Variants in CALCOCO1 observed in about 807,000 individuals in gnomAD.
CALCOCO1 encodes calcium-binding and coiled-coil domain-containing protein 1.
Under a neutral mutation model 86.3 loss-of-function variants are expected in CALCOCO1, and 44 were observed. That is an observed-to-expected ratio of 0.51 (90% CI 0.40 to 0.66). The LOEUF (loss-of-function observed/expected upper bound fraction) is 0.66. Among genes scored for constraint, CALCOCO1 ranks in the 30% least tolerant of loss-of-function variants. CALCOCO1 has a pLI of 0.00. For synonymous variants in CALCOCO1, 297 were observed against 327.6 expected, an observed-to-expected ratio of 0.91 and a Z score of 1.01; for missense variants, 708 against 851.1, an observed-to-expected ratio of 0.83 and a Z score of 2.09.
chr12:53,714,120 G>A lies in CALCOCO1; in HGVS notation c.1591+13C>T. ...GTGGGGAAGAGGTGTTACAAGATTG[G>A]GGCTACACGGACTCAGCCCCACAGC... On this transcript the variant is annotated intron_variant, in intron 12 of 14. Coordinates refer to ENST00000550804, the MANE Select transcript of CALCOCO1 (RefSeq NM_020898.3). The A allele has an allele frequency of 6.3e-7, 1 of 1,593,042 alleles. No homozygotes were observed. Among genetic ancestry groups the A allele is most frequent in the African/African-American group, 1.3e-5 (1 of 74,616 alleles).
At chr12:53,722,418 C>T (rs935815358) in intron 4 of CALCOCO1, among the ~76,000 whole-genome samples, 5 of 152,188 alleles carry the variant, frequency 3.3e-5, no homozygotes, top group Admixed American at 1.3e-4. Flanking sequence ...CACTCTAGGC[C>T]TGGCCCTTTC....
At chr12:53,721,411 G>A in intron 6 of CALCOCO1, 56 bp downstream of exon 6, 2 of 1,488,624 alleles carry the variant, frequency 1.3e-6, no homozygotes, top group Non-Finnish European at 9.0e-7. Context: ...GAGGGGGCTG[G>A]AGTGCGGGGG....
chr12:53,719,874 A>G, intron 6 of CALCOCO1, 45 bp from the exon 7 acceptor site: 1 of 1,343,486 alleles, frequency 7.4e-7, no homozygotes, highest in Non-Finnish European at 1.1e-6. Context: ...CTCCACCCAG[A>G]GAAGGAATGG....
chr12:53,719,710 A>T, intron 7 of CALCOCO1, 29 bp downstream of exon 7: 5 of 1,520,036 alleles, frequency 3.3e-6, no homozygotes, highest in Non-Finnish European at 4.6e-6. Context: ...TGGACAATGG[A>T]GAAAGCAAAT....
At chr12:53,712,830 C>G (rs763319997) in intron 14 of CALCOCO1, 3 of 1,428,760 alleles carry the variant, frequency 2.1e-6, no homozygotes, top group South Asian at 2.3e-5. Context: ...GCAATTTGGG[C>G]TCTGCAGAAG....
At chr12:53,716,845 T>C (rs1049138778) in intron 7 of CALCOCO1, among the ~76,000 whole-genome samples, 3 of 152,202 alleles carry the variant, frequency 2.0e-5, no homozygotes, top group Non-Finnish European at 4.4e-5. Flanking sequence ...CTTGGTGCCA[T>C]GCTTGGCTCT....
At chr12:53,719,624 T>C (rs1223425305) in intron 7 of CALCOCO1, 115 bp downstream of exon 7, 7 of 718,874 alleles carry the variant, frequency 9.7e-6, no homozygotes, top group Admixed American at 4.3e-5. Context: ...TGTTCCCTAG[T>C]AGAGTGCACA....
chr12:53,724,207 T>C (rs1371904395), intron 3 of CALCOCO1: 1 of 435,352 alleles, frequency 2.3e-6, no homozygotes, highest in Non-Finnish European at 4.4e-6. Context: ...GCAGCTTTCA[T>C]TTTAAATCCT....
Position 53,723,722 on chromosome 12 carries a change from G to A in CALCOCO1, c.321C>T (p.Gly107=), listed in dbSNP as rs1945941483. 4 of 1,614,196 alleles carry A rather than the reference G, an allele frequency of 2.5e-6. No homozygotes were observed. Among genetic ancestry groups the A allele is most frequent in the Non-Finnish European group, 3.4e-6 (4 of 1,180,036 alleles). Residue 107 remains glycine (G), a synonymous_variant, in exon 4 of 15, where the codon GGC becomes GGT. Coordinates refer to ENST00000550804, the MANE Select transcript of CALCOCO1 (RefSeq NM_020898.3). ...LYQFRYVNRQ[G]QVCGQSPPFQ... The stretch of plus-strand genomic sequence containing the variant: ...AAGGGGGGCTCTGCCCACACACCTG[G>A]CCCTGGCGGTTCACATATCGGAACT...
intron 14 of CALCOCO1, chr12:53,712,480 T>C (rs1218047645): frequency 8.2e-6 from 2 of 244,080 alleles, no homozygotes; most frequent in African/African-American, 2.3e-5. Flanking sequence ...ACCCCCTCCC[T>C]GCCCTGAGCC....
At chr12:53,719,674 C>T (rs772744154) in intron 7 of CALCOCO1, 65 bp downstream of exon 7, 36 of 1,109,344 alleles carry the variant, frequency 3.2e-5, no homozygotes, top group Non-Finnish European at 4.6e-5. Flanking sequence ...TGGTGTCTGG[C>T]TCTCGAGAGG....
intron 14 of CALCOCO1, chr12:53,712,546 C>T (rs1369050198): frequency 4.3e-6 from 1 of 231,792 alleles, no homozygotes; most frequent in Non-Finnish European, 8.6e-6. Flanking sequence ...TTCCCTGTGC[C>T]TGCCCCCTTG....
rs781406266 is a variant in CALCOCO1, at chr12:53,712,100, C to T, written c.1920G>A (p.Leu640=). 1 of 1,606,306 alleles carries T rather than the reference C, an allele frequency of 6.2e-7. No individual in the cohort carries two copies. The highest frequency in any genetic ancestry group is 2.2e-5 in the East Asian group (1 of 44,714). The change falls in exon 15 of 15, where the codon CTG becomes CTA. Residue 640 remains leucine, a synonymous_variant. Transcript: ENST00000550804. ...DMASGFTVGT[L]SETSTGGPAT... The stretch of plus-strand genomic sequence containing the variant: ...CAGGGCCCCCAGTGCTGGTTTCTGA[C>T]AGGGTACCCACTGTAAAGCCACTAA...
At chr12:53,724,471 A>G (rs1945968365) in intron 3 of CALCOCO1, 174 bp downstream of exon 3, 6 of 609,398 alleles carry the variant, frequency 9.8e-6, no homozygotes, top group Non-Finnish European at 1.8e-5. Context: ...ATTCTGCGAT[A>G]ATCCCGTGAT....
chr12:53,727,279 G>C (rs534165368), intron 1 of CALCOCO1, 125 bp downstream of exon 1: 104 of 152,286 alleles, frequency 6.8e-4, no homozygotes, highest in African/African-American at 2.4e-3. Context: ...GTACGGAAAG[G>C]GTTACAACCC....
chr12:53,711,183 G>A lies in CALCOCO1; in HGVS notation c.*761C>T. ...TGGATATCAGGGGGAAGCTTTTATT[G>A]CTGTGGGGGGACCTGGAGAGGGAGG... On this transcript the variant is annotated 3_prime_UTR_variant, in exon 15 of 15. Transcript: ENST00000550804. 1 of 398,746 alleles carries A rather than the reference G, an allele frequency of 2.5e-6. No homozygotes were observed. The allele number at this position is 398,746 out of a possible 1,614,324, so 24.7% of individuals were successfully genotyped here.
intron 4 of CALCOCO1, 130 bp downstream of exon 4, chr12:53,723,463 A>C (rs1235906749): frequency 2.2e-6 from 2 of 891,812 alleles, no homozygotes; most frequent in South Asian, 3.0e-5. Context: ...TGGAGGCAGG[A>C]CTTTGTCTAA....
chr12:53,712,754 C>A (rs750631142), intron 14 of CALCOCO1: 1 of 1,277,294 alleles, frequency 7.8e-7, no homozygotes, highest in Admixed American at 2.6e-5. Flanking sequence ...CCTTCCTCCC[C>A]GGAGGACCCT....
intron 11 of CALCOCO1, 113 bp downstream of exon 11, chr12:53,714,485 G>C (rs974154598): frequency 1.3e-6 from 1 of 795,984 alleles, no homozygotes; most frequent in Non-Finnish European, 2.1e-6. Flanking sequence ...CCAGGGTACG[G>C]GCCCTCTTGG....
Sources: gnomAD v4.1 joint callset for allele counts (sites outside exome capture counted in the v4.1 genomes callset) on GRCh38, gnomAD v4.1.1 for gene constraint, MANE v1.5 for transcripts, NCBI Gene and HGNC (gene_info 2026-07-23, HGNC 2026-07-21) for gene names.